The following GDF6 variants were observed in gnomAD, a reference collection of about 807,000 sequenced individuals.
GDF6 encodes growth/differentiation factor 6.
Under a neutral mutation model 32.4 loss-of-function variants are expected in GDF6, and 3 were observed. That is an observed-to-expected ratio of 0.09 (90% CI 0.04 to 0.24). The LOEUF is 0.24. Among genes scored for constraint, GDF6 ranks in the 10% least tolerant of loss-of-function variants. The pLI, the probability that GDF6 is intolerant of heterozygous loss-of-function variation, is 1.00. For synonymous variants in GDF6, 296 were observed against 295.3 expected (o/e 1.00, Z -0.03); for missense variants, 589 against 637.9 (o/e 0.92, Z 0.83).
At position 96,145,635 on chromosome 8, in the gene GDF6, G is replaced by T; in HGVS notation, c.407-111C>A. ...CGGGGAGTGGGGGCAGGTCGGCCGG[G>T]CAGTCCAGCTTGCCCGGCCCAGGGC... On this transcript the variant is annotated intron_variant, in intron 1 of 1. Coordinates refer to ENST00000287020, the MANE Select transcript of GDF6 (RefSeq NM_001001557.4). The surrounding 1 kb of genome is among the most constrained non-coding windows in gnomAD (Gnocchi z 5.6). The T allele has an allele frequency of 7.4e-7, 1 of 1,354,914 alleles. No homozygotes were observed. The highest frequency in any genetic ancestry group is 1.0e-6 in the Non-Finnish European group (1 of 974,514). The allele number at this position is 1,354,914 out of a possible 1,614,324, so 83.9% of individuals were successfully genotyped here. A position where few individuals can be genotyped will look rare whatever the true frequency, so the allele number is the denominator to read the frequency against.
chr8:96,155,452 G>C (rs755793961), intron 1 of GDF6, among the ~76,000 whole-genome samples: 5 of 152,224 alleles, frequency 3.3e-5, no homozygotes, highest in African/African-American at 7.2e-5. Context: ...CGAACCAGAA[G>C]AGCAAAACAA....
intron 1 of GDF6, among the ~76,000 whole-genome samples, chr8:96,156,234 C>A (rs528320811): frequency 3.3e-5 from 5 of 152,306 alleles, no homozygotes; most frequent in Admixed American, 1.3e-4. Flanking sequence ...ATCTGGAAAC[C>A]TAACTCACAG....
chr8:96,152,299 A>G (rs1586122113), intron 1 of GDF6, among the ~76,000 whole-genome samples: 1 of 151,866 alleles, frequency 6.6e-6, no homozygotes, highest in Non-Finnish European at 1.5e-5. Flanking sequence ...TGAACAGATG[A>G]CCTCCACCCC....
At chr8:96,153,791 A>G (rs1270108583) in intron 1 of GDF6, among the ~76,000 whole-genome samples, 2 of 152,138 alleles carry the variant, frequency 1.3e-5, no homozygotes, top group East Asian at 3.9e-4. Context: ...TATTGGACTC[A>G]GCACCCAGGG....
rs1812428426 is a variant in GDF6 at position 96,144,292 on chromosome 8, A to AGAGAGAG, written c.*270_*271insCTCTCTC. On this transcript the variant is annotated 3_prime_UTR_variant, in exon 2 of 2. Transcript: ENST00000287020. The surrounding 1 kb of genome is among the most constrained non-coding windows in gnomAD (Gnocchi z 5.1). The stretch of plus-strand genomic sequence containing the variant: ...AGAGAGAGAGAGAGAGAGAGAGAGA[A>AGAGAGAG]AACAGAACAAAAGAAATCCTCCTTG... 1.9e-5 allele frequency: 6 copies of AGAGAGAG among 321,524 alleles called. No individual in the cohort carries two copies. Among genetic ancestry groups the AGAGAGAG allele is most frequent in the African/African-American group, 1.1e-4 (2 of 17,502 alleles). The allele number at this position is 321,524 out of a possible 1,614,324, so 19.9% of individuals were successfully genotyped here.
chr8:96,149,668 A>G (rs1408044266), intron 1 of GDF6, among the ~76,000 whole-genome samples: 1 of 152,198 alleles, frequency 6.6e-6, no homozygotes, highest in Admixed American at 6.5e-5. Flanking sequence ...TTTAACTAAA[A>G]AAAGAAACCA....
intron 1 of GDF6, among the ~76,000 whole-genome samples, chr8:96,155,761 A>G (rs1563512952): frequency 1.3e-5 from 2 of 152,228 alleles, no homozygotes; most frequent in Non-Finnish European, 2.9e-5. Context: ...AAGGTCACCA[A>G]ATAATTAACA....
chr8:96,146,677 T>C (rs941325555), intron 1 of GDF6, among the ~76,000 whole-genome samples: 5 of 126,576 alleles, frequency 4.0e-5, no homozygotes, highest in African/African-American at 1.7e-4. Context: ...CAGGGACAAT[T>C]AGATACACAC....
At position 96,144,654 on chromosome 8, in the gene GDF6, G is replaced by C. The variant is rs1222909010; in HGVS notation, c.1277C>G (p.Thr426Ser). The change falls in exon 2 of 2, where the codon ACT (threonine) becomes AGT (serine). Residue 426 changes from threonine (T) to serine (S), a missense_variant. By Grantham distance (58) the Thr-to-Ser change is moderately conservative (BLOSUM62 1). Around this residue, in one of 2 missense-constraint regions of GDF6, gnomAD observed 153 missense variants for 226.7 expected, o/e 0.67. Transcript: ENST00000287020. The surrounding 1 kb of genome is among the most constrained non-coding windows in gnomAD (Gnocchi z 5.1). ...PPSCCVPTKL[T>S]PISILYIDAG... ...GTCGATGTATAGAATGCTGATGGGAGTCAATTTGGTGGGCACGCAGCAGCT... is the reference window on the plus strand; with the variant it reads ...GTCGATGTATAGAATGCTGATGGGACTCAATTTGGTGGGCACGCAGCAGCT... The C allele has an allele frequency of 6.2e-7, 1 of 1,614,136 alleles. No homozygotes were observed. The highest frequency in any genetic ancestry group is 1.1e-5 in the South Asian group (1 of 91,070).
At chr8:96,150,323 C>A (rs1405796518) in intron 1 of GDF6, among the ~76,000 whole-genome samples, 2 of 152,240 alleles carry the variant, frequency 1.3e-5, no homozygotes, top group Non-Finnish European at 2.9e-5. Context: ...GGCCCCGCGA[C>A]TAGGCCACTG....
chr8:96,146,574 C>A (rs755761941), intron 1 of GDF6, among the ~76,000 whole-genome samples: 9 of 152,028 alleles, frequency 5.9e-5, no homozygotes, highest in Non-Finnish European at 1.2e-4. Context: ...AACAAACACA[C>A]ACACCTTGCA....
chr8:96,144,268 G>GAGAGAGAGAGAGAC lies in GDF6; in HGVS notation c.*294_*295insGTCTCTCTCTCTCT, dbSNP rs1812422923. On this transcript the variant is annotated 3_prime_UTR_variant, in exon 2 of 2. Transcript: ENST00000287020. The surrounding 1 kb of genome is among the most constrained non-coding windows in gnomAD (Gnocchi z 5.1). ...ATAGAGAGAGAGAGAGAGAGAGAGAGAGAGAGAGAGAGAGAGAGAGAGAAA... is the reference window on the plus strand; with the variant it reads ...ATAGAGAGAGAGAGAGAGAGAGAGAGAGAGAGAGAGAGACAGAGAGAGAGAGAGAGAGAGAGAAA... The GAGAGAGAGAGAGAC allele has an allele frequency of 2.2e-6, 1 of 445,086 alleles. No individual in the cohort carries two copies. The highest frequency in any genetic ancestry group is 4.1e-6 in the Non-Finnish European group (1 of 245,424). 27.6% of individuals were successfully genotyped at this position (445,086 alleles called of 1,614,324 possible).
chr8:96,158,211 C>G (rs1449340250), intron 1 of GDF6, among the ~76,000 whole-genome samples: 3 of 150,828 alleles, frequency 2.0e-5, no homozygotes, highest in Non-Finnish European at 4.4e-5. Flanking sequence ...CTCGGTCCTG[C>G]TAGTCTGGAG....
rs1343770559 is a variant in GDF6 at position 96,145,289 on chromosome 8, G to A, written c.642C>T (p.Val214=). Residue 214 remains valine, a synonymous_variant, in exon 2 of 2, where the codon GTC becomes GTT. Coordinates refer to ENST00000287020, the MANE Select transcript of GDF6 (RefSeq NM_001001557.4). This position sits in a 1 kb window ranked among gnomAD's most constrained non-coding sequence, Gnocchi z 5.6. ...PQGAPPAGWE[V]FDVWQGLRHQ... is the part of the protein sequence containing the mutation. ...GGCGCAGGCCCTGCCACACGTCGAA[G>A]ACTTCCCAGCCGGCCGGCGGCGCCC... 1 of 1,529,044 alleles carries A rather than the reference G, an allele frequency of 6.5e-7. No individual in the cohort carries two copies. The highest frequency in any genetic ancestry group is 2.0e-5 in the Admixed American group (1 of 50,088). The allele number at this position is 1,529,044 out of a possible 1,614,324, so 94.7% of individuals were successfully genotyped here. A position where few individuals can be genotyped will look rare whatever the true frequency, so the allele number is the denominator to read the frequency against.
At chr8:96,150,731 C>T (rs1029878586) in intron 1 of GDF6, among the ~76,000 whole-genome samples, 1 of 152,142 alleles carries the variant, frequency 6.6e-6, no homozygotes, top group Non-Finnish European at 1.5e-5. Context: ...GTACTCTGAC[C>T]CCAGTCCTGC....
chr8:96,145,507 G>C lies in GDF6; in HGVS notation c.424C>G (p.Pro142Ala). The C allele has an allele frequency of 6.3e-7, 1 of 1,597,912 alleles. No individual in the cohort carries two copies. The highest frequency in any genetic ancestry group is 8.5e-7 in the Non-Finnish European group (1 of 1,179,616). The part of the protein sequence containing the change: ...DRGLDDLSHT[P>A]LRRQKYLFDV... Reference sequence around the variant, plus strand: ...AACAAATACTTCTGTCTCCGGAGAGGAGTGTGCGAGAGATCGTCTGCGAGA... The same window carrying C: ...AACAAATACTTCTGTCTCCGGAGAGCAGTGTGCGAGAGATCGTCTGCGAGA... Residue 142 changes from proline (P) to alanine (A), a missense_variant, in exon 2 of 2, where the codon CCT becomes GCT. By Grantham distance (27) the Pro-to-Ala change is conservative. Around this residue, in one of 2 missense-constraint regions of GDF6, gnomAD observed 436 missense variants for 411.2 expected, o/e 1.06. Transcript: ENST00000287020. This position sits in a 1 kb window ranked among gnomAD's most constrained non-coding sequence, Gnocchi z 5.6.
At chr8:96,153,441 C>G (rs1463382176) in intron 1 of GDF6, among the ~76,000 whole-genome samples, 1 of 152,220 alleles carries the variant, frequency 6.6e-6, no homozygotes, top group African/African-American at 2.4e-5. Flanking sequence ...CCGCGCTGAG[C>G]CCTCCCTCCC....
intron 1 of GDF6, among the ~76,000 whole-genome samples, chr8:96,158,596 T>C (rs1425193562): frequency 6.6e-6 from 1 of 152,170 alleles, no homozygotes; most frequent in East Asian, 1.9e-4. Flanking sequence ...CCTCTGGGAC[T>C]TCTTCTCTTG....
In GDF6 at chr8:96,143,408, G is replaced by C. The variant is rs1812405500; in HGVS notation, c.*1155C>G. ...CTCCCTTCCCCACTCCTGGCTCCTG[G>C]CCTGTCCCTTGATCCCCATCCTCCC... On this transcript the variant is annotated 3_prime_UTR_variant, in exon 2 of 2. Transcript: ENST00000287020. 6.6e-6 allele frequency: 1 copy of C among 152,494 alleles called. No homozygotes were observed. Among genetic ancestry groups the C allele is most frequent in the Non-Finnish European group, 1.5e-5 (1 of 68,010 alleles). 9.4% of individuals were successfully genotyped at this position (152,494 alleles called of 1,614,324 possible). A position where few individuals can be genotyped will look rare whatever the true frequency, so the allele number is the denominator to read the frequency against.
Sources: gnomAD v4.1 joint callset for allele counts (sites outside exome capture counted in the v4.1 genomes callset) on GRCh38, gnomAD v4.1.1 for gene constraint, gnomAD v4.1.1 regional missense constraint, Gnocchi (gnomAD v3.1) non-coding constraint, MANE v1.5 for transcripts, NCBI Gene and HGNC (gene_info 2026-07-23, HGNC 2026-07-21) for gene names.